The following ZNF827 variants were observed in gnomAD, a reference collection of about 807,000 sequenced individuals.
ZNF827 encodes the protein zinc finger protein 827.
A neutral mutation model predicts 102.4 loss-of-function variants in ZNF827; 13 were observed. The ratio of observed to expected loss-of-function variants is 0.13; its 90% CI spans 0.08 to 0.20. ZNF827 has a LOEUF of 0.20. Among genes scored for constraint, ZNF827 ranks in the 10% least tolerant of loss-of-function variants. The probability of loss-of-function intolerance (pLI) is 1.00; values close to 1 mark genes in which losing one functional copy is unlikely to be tolerated. For missense variants in ZNF827, 1,103 were observed against 1,344.4 expected (o/e 0.82, Z 2.81); for synonymous variants, 523 against 536.2 (o/e 0.98, Z 0.34).
chr4:145,772,046 T>C (rs1736368812), intron 11 of ZNF827, among the ~76,000 whole-genome samples: 1 of 152,184 alleles, frequency 6.6e-6, no homozygotes. Flanking sequence ...GGATCGAGAA[T>C]TCAGTGTGTG....
In ZNF827 at chr4:145,885,731, A is replaced by C; in HGVS notation, c.1694T>G (p.Phe565Cys). 1 of 1,574,832 alleles carries C rather than the reference A, an allele frequency of 6.3e-7. No individual in the cohort carries two copies. The highest frequency in any genetic ancestry group is 8.6e-7 in the Non-Finnish European group (1 of 1,161,728). ...CATCTTAACAGAGATGTCCTGGCTG[A>C]ACAATGCTGACGCACTGTTGGCCAC... is the stretch of plus-strand genomic sequence containing the variant. ...EYVANSASAL[F>C]SQDISVKMAS... The change falls in exon 4 of 15, where the codon TTC (phenylalanine) becomes TGC (cysteine). Residue 565 changes from phenylalanine (F) to cysteine (C), a missense_variant. Physicochemically the swap from Phe to Cys is radical, Grantham distance 205. Transcript: ENST00000508784.
intron 4 of ZNF827, among the ~76,000 whole-genome samples, chr4:145,873,528 T>A (rs1341827375): frequency 6.6e-6 from 1 of 152,190 alleles, no homozygotes; most frequent in Non-Finnish European, 1.5e-5. Context: ...AAATATCTAA[T>A]CATCACTTGA....
chr4:145,801,639 C>T (rs943780397), intron 8 of ZNF827, among the ~76,000 whole-genome samples: 1 of 152,230 alleles, frequency 6.6e-6, no homozygotes, highest in African/African-American at 2.4e-5. Context: ...CACTCATCCC[C>T]AGCACCTTTG....
At position 145,762,073 on chromosome 4, in the gene ZNF827, A is replaced by T. The variant is rs1181578251; in HGVS notation, c.*18-475T>A. On this transcript the variant is annotated intron_variant, in intron 14 of 14. Transcript: ENST00000508784. This position sits in a 1 kb window ranked among gnomAD's most constrained non-coding sequence, Gnocchi z 4.9. ...CACGCAGAAAGGCTAAGAGGTTTTA[A>T]AGAACAGCTTATAGGGGGAGCGCTA... 6.6e-6 allele frequency among the ~76,000 whole-genome samples: 1 copy of T among 152,194 alleles called. No homozygotes were observed. The highest frequency in any genetic ancestry group is 1.5e-5 in the Non-Finnish European group (1 of 68,030).
At chr4:145,890,818 A>G (rs1750530131) in intron 3 of ZNF827, among the ~76,000 whole-genome samples, 1 of 152,146 alleles carries the variant, frequency 6.6e-6, no homozygotes, top group Non-Finnish European at 1.5e-5. Flanking sequence ...GCCAACCAGA[A>G]CTCCTGGTTA....
chr4:145,787,594 G>A (rs1475871027), intron 8 of ZNF827, among the ~76,000 whole-genome samples: 1 of 151,980 alleles, frequency 6.6e-6, no homozygotes, highest in East Asian at 1.9e-4. Context: ...AACCTCCAAT[G>A]CTTAACAAAC....
intron 11 of ZNF827, among the ~76,000 whole-genome samples, chr4:145,769,416 G>A (rs1735908616): frequency 6.6e-6 from 1 of 152,176 alleles, no homozygotes; most frequent in Non-Finnish European, 1.5e-5. Context: ...CCTGTTGCAA[G>A]TGATTCTTTT....
chr4:145,885,699 C>A lies in ZNF827; in HGVS notation c.1726G>T (p.Asp576Tyr). 1 of 1,531,574 alleles carries A rather than the reference C, an allele frequency of 6.5e-7. No individual in the cohort carries two copies. The highest frequency in any genetic ancestry group is 1.3e-5 in the South Asian group (1 of 76,448). The allele number at this position is 1,531,574 out of a possible 1,614,324, so 94.9% of individuals were successfully genotyped here. A position where few individuals can be genotyped will look rare whatever the true frequency, so the allele number is the denominator to read the frequency against. ...SQDISVKMAS[D>Y]FLMKLSAANQ... is the part of the protein sequence containing the mutation. ...GTACCTGACAGCTTCATGAGAAAAT[C>A]AGACGCCATCTTAACAGAGATGTCC... Residue 576 changes from aspartate (D) to tyrosine (Y), a missense_variant, in exon 4 of 15, where the codon GAT (aspartate) becomes TAT (tyrosine). Physicochemically the swap from Asp to Tyr is radical, Grantham distance 160. Around this residue, in one of 5 missense-constraint regions of ZNF827, gnomAD observed 157 missense variants for 211.7 expected, o/e 0.74. Coordinates refer to ENST00000508784, the MANE Select transcript of ZNF827 (RefSeq NM_001306215.2).
chr4:145,933,109 GTTT>G (rs1274624709), intron 1 of ZNF827, among the ~76,000 whole-genome samples: 1 of 152,188 alleles, frequency 6.6e-6, no homozygotes, highest in African/African-American at 2.4e-5. Flanking sequence ...AAAAATCAAT[GTTT>G]TTATTAGAAA....
chr4:145,785,827 C>T (rs1738776861), intron 8 of ZNF827, among the ~76,000 whole-genome samples: 1 of 152,206 alleles, frequency 6.6e-6, no homozygotes, highest in Non-Finnish European at 1.5e-5. Flanking sequence ...TTCTTCTCTT[C>T]CTGTTCTTTG....
intron 1 of ZNF827, among the ~76,000 whole-genome samples, chr4:145,929,717 C>T (rs1451137249): frequency 6.6e-6 from 1 of 152,144 alleles, no homozygotes; most frequent in East Asian, 1.9e-4. Flanking sequence ...TATTCACAAT[C>T]TAAACAAACT....
At chr4:145,797,568 AG>A (rs1740500072) in intron 8 of ZNF827, among the ~76,000 whole-genome samples, 1 of 152,178 alleles carries the variant, frequency 6.6e-6, no homozygotes, top group Admixed American at 6.5e-5. Context: ...TCACCAAGAG[AG>A]GCTATCAGTT....
At chr4:145,837,876 A>G (rs1401476146) in intron 7 of ZNF827, among the ~76,000 whole-genome samples, 1 of 151,470 alleles carries the variant, frequency 6.6e-6, no homozygotes, top group African/African-American at 2.4e-5. Context: ...CCCTTACAAG[A>G]CCTCCCTTCA....
chr4:145,798,301 T>C (rs1264104019), intron 8 of ZNF827, among the ~76,000 whole-genome samples: 1 of 152,178 alleles, frequency 6.6e-6, no homozygotes, highest in Non-Finnish European at 1.5e-5. Context: ...TGAATATGTG[T>C]GGTTTAGGGG....
chr4:145,806,705 T>C (rs1483308483), intron 8 of ZNF827, among the ~76,000 whole-genome samples: 1 of 151,950 alleles, frequency 6.6e-6, no homozygotes, highest in African/African-American at 2.4e-5. Flanking sequence ...ATTAAACAGA[T>C]ATAACAGAAA....
At chr4:145,769,451 T>C (rs1735913671) in intron 11 of ZNF827, among the ~76,000 whole-genome samples, 2 of 152,240 alleles carry the variant, frequency 1.3e-5, no homozygotes, top group Non-Finnish European at 2.9e-5. Context: ...AATTAAAACA[T>C]ATTAATTTCA....
chr4:145,771,591 C>T (rs528762487), intron 11 of ZNF827, among the ~76,000 whole-genome samples: 4 of 152,268 alleles, frequency 2.6e-5, no homozygotes, highest in East Asian at 1.9e-4. Context: ...AGGGACAAGA[C>T]GCCAGACAGT....
intron 1 of ZNF827, among the ~76,000 whole-genome samples, chr4:145,937,978 C>T (rs576823911): frequency 6.7e-6 from 1 of 149,906 alleles, no homozygotes; most frequent in Non-Finnish European, 1.5e-5. Flanking sequence ...CCTCTCCCAC[C>T]TCCCCCCACC....
chr4:145,821,070 G>A (rs1743096368), intron 8 of ZNF827, among the ~76,000 whole-genome samples: 1 of 152,138 alleles, frequency 6.6e-6, no homozygotes, highest in African/African-American at 2.4e-5. Context: ...ACAATATGGT[G>A]CATAAAACCT....
Sources: allele counts gnomAD v4.1 joint callset (sites outside exome capture counted in the v4.1 genomes callset), GRCh38; gene constraint gnomAD v4.1.1; regional missense constraint gnomAD v4.1.1; non-coding constraint Gnocchi (gnomAD v3.1); transcripts MANE v1.5; gene names NCBI Gene and HGNC (gene_info 2026-07-23, HGNC 2026-07-21).